Variants in KANSL1L observed in about 807,000 individuals in gnomAD.
KANSL1L encodes the protein KAT8 regulatory NSL complex subunit 1 like.
KANSL1L carries 25 observed loss-of-function variants against 108.6 expected under a neutral mutation model. The ratio of observed to expected loss-of-function variants is 0.23; its 90% CI spans 0.17 to 0.32. The LOEUF (loss-of-function observed/expected upper bound fraction) is 0.32. Ranked by LOEUF, KANSL1L falls within the 10% of genes least tolerant of loss-of-function variation. KANSL1L has a pLI of 1.00. For missense variants in KANSL1L, 1,137 were observed against 1,125.7 expected (o/e 1.01, Z -0.14); for synonymous variants, 405 against 395.1 (o/e 1.03, Z -0.30).
chr2:210,036,839 C>T (rs894009086), intron 8 of KANSL1L, among the ~76,000 whole-genome samples: 1 of 152,156 alleles, frequency 6.6e-6, no homozygotes, highest in Non-Finnish European at 1.5e-5. Context: ...TCACTGCAGC[C>T]TCAACCTCCC....
At chr2:210,170,037 C>T (rs114700261) in intron 1 of KANSL1L, among the ~76,000 whole-genome samples, 4,700 of 152,182 alleles carry the variant, frequency 0.031, 105 homozygotes, top group Non-Finnish European at 0.047. Flanking sequence ...AAAGAAATGG[C>T]TAGTTATTAA....
At chr2:210,059,476 A>T (rs1409460311) in intron 6 of KANSL1L, among the ~76,000 whole-genome samples, 1 of 152,234 alleles carries the variant, frequency 6.6e-6, no homozygotes, top group Non-Finnish European at 1.5e-5. Flanking sequence ...ATCCAGTATG[A>T]AACCACTAAA....
intron 6 of KANSL1L, among the ~76,000 whole-genome samples, chr2:210,046,197 GT>G (rs1314594230): frequency 2.6e-5 from 4 of 152,088 alleles, no homozygotes; most frequent in African/African-American, 9.7e-5. Flanking sequence ...TGGGAATTAG[GT>G]TTCTACATAT....
chr2:210,107,228 T>C (rs890972335), intron 3 of KANSL1L, among the ~76,000 whole-genome samples: 3 of 152,054 alleles, frequency 2.0e-5, no homozygotes, highest in African/African-American at 7.2e-5. Context: ...TAATTTTAAG[T>C]AAAACTTTAA....
At chr2:210,166,998 G>A (rs116181500) in intron 1 of KANSL1L, among the ~76,000 whole-genome samples, 9,072 of 151,910 alleles carry the variant, frequency 0.06, 415 homozygotes, top group Middle Eastern at 0.21. Context: ...TTCAGCCTGG[G>A]TGACAGAGAG....
chr2:210,029,912 C>A lies in KANSL1L; in HGVS notation c.2162G>T (p.Arg721Ile), dbSNP rs1324477039. Residue 721 changes from arginine (R) to isoleucine (I), a missense_variant, in exon 10 of 15, where the codon AGA (arginine) becomes ATA (isoleucine). Around this residue, in one of 3 missense-constraint regions of KANSL1L, gnomAD observed 575 missense variants for 567.1 expected, o/e 1.01. Coordinates refer to ENST00000281772, the MANE Select transcript of KANSL1L (RefSeq NM_152519.4). ...AAAATCAGATTCTTCAAGTTTAGTTCTTTCTCCTGCCATGGAAAGAACCAT... is the reference window on the plus strand; with the variant it reads ...AAAATCAGATTCTTCAAGTTTAGTTATTTCTCCTGCCATGGAAAGAACCAT... Reference protein sequence around the residue: ...RHLSETALGERTKLEESDFQH... With the variant: ...RHLSETALGEITKLEESDFQH... 2.6e-6 allele frequency: 4 copies of A among 1,544,266 alleles called. No individual in the cohort carries two copies. The South Asian group carries it at 3.4e-5, about 13-fold the overall frequency.
At chr2:210,135,111 C>CT (rs975553561) in intron 2 of KANSL1L, among the ~76,000 whole-genome samples, 6 of 152,004 alleles carry the variant, frequency 3.9e-5, no homozygotes, top group African/African-American at 9.7e-5. Flanking sequence ...ATGGCCCATT[C>CT]TTTTTTTTCC....
At chr2:210,165,079 C>A (rs1687854015) in intron 1 of KANSL1L, among the ~76,000 whole-genome samples, 1 of 151,312 alleles carries the variant, frequency 6.6e-6, no homozygotes, top group African/African-American at 2.4e-5. Context: ...GTTGGCCAGG[C>A]TGGTCTCGAA....
chr2:210,056,588 C>T (rs2094353537), intron 6 of KANSL1L, among the ~76,000 whole-genome samples: 1 of 152,142 alleles, frequency 6.6e-6, no homozygotes, highest in East Asian at 1.9e-4. Context: ...TCAAGCAATT[C>T]TTGTGCCTCA....
intron 2 of KANSL1L, among the ~76,000 whole-genome samples, chr2:210,149,389 TA>T (rs1255090294): frequency 6.6e-6 from 1 of 152,150 alleles, no homozygotes; most frequent in Non-Finnish European, 1.5e-5. Context: ...TCTGGACTTA[TA>T]ATTTAAGGTA....
rs76643594 is a variant in KANSL1L, at chr2:210,036,018, T to C, written c.2029+4402A>G. On this transcript the variant is annotated intron_variant, in intron 8 of 14. Transcript: ENST00000281772. ...TTTTAAAGTTTGAGAAGCACTAATC[T>C]GGAACGCTCCACCCTTCTTTCTCTG... Among the ~76,000 whole-genome samples, 903 of 152,290 alleles carry C rather than the reference T, an allele frequency of 5.9e-3. 10 individuals carry two copies. The highest frequency in any genetic ancestry group is 0.021 in the African/African-American group (861 of 41,564).
At chr2:210,067,718 A>AAAAAAAAAAAAAAAT (rs2094476924) in intron 6 of KANSL1L, among the ~76,000 whole-genome samples, 1 of 5,284 alleles carries the variant, frequency 1.9e-4, no homozygotes, top group African/African-American at 3.6e-4. Context: ...CCTGTCTCCA[A>AAAAAAAAAAAAAAAT]AAAAAAAAAA....
intron 2 of KANSL1L, among the ~76,000 whole-genome samples, chr2:210,138,581 C>T (rs761459150): frequency 6.6e-6 from 1 of 152,060 alleles, no homozygotes; most frequent in Non-Finnish European, 1.5e-5. Flanking sequence ...TTGGGACTTA[C>T]GCTTTTTAAA....
At chr2:210,123,566 C>T (rs1010121728) in intron 3 of KANSL1L, among the ~76,000 whole-genome samples, 3 of 149,996 alleles carry the variant, frequency 2.0e-5, no homozygotes, top group African/African-American at 7.4e-5. Flanking sequence ...CTAATGGGTA[C>T]AAAAATATAA....
At chr2:210,060,646 C>A (rs2094409873) in intron 6 of KANSL1L, among the ~76,000 whole-genome samples, 1 of 152,154 alleles carries the variant, frequency 6.6e-6, no homozygotes, top group Non-Finnish European at 1.5e-5. Flanking sequence ...CATTGGTAAA[C>A]AGCTTACCAG....
intron 3 of KANSL1L, among the ~76,000 whole-genome samples, chr2:210,122,108 C>T (rs1397247560): frequency 6.6e-6 from 1 of 151,918 alleles, no homozygotes; most frequent in Non-Finnish European, 1.5e-5. Context: ...TCCATAGTAC[C>T]CAACGAAATC....
At chr2:210,086,570 A>G (rs2094639856) in intron 5 of KANSL1L, among the ~76,000 whole-genome samples, 1 of 152,096 alleles carries the variant, frequency 6.6e-6, no homozygotes, top group Non-Finnish European at 1.5e-5. Flanking sequence ...ATCAATAAAT[A>G]GCAAGTGTGC....
intron 6 of KANSL1L, among the ~76,000 whole-genome samples, chr2:210,071,914 G>A (rs2094510489): frequency 6.6e-6 from 1 of 152,156 alleles, no homozygotes; most frequent in African/African-American, 2.4e-5. Context: ...CAGAAGGGAA[G>A]TTTATTTATT....
chr2:210,097,244 A>AT (rs2094745854), intron 5 of KANSL1L: 1 of 970,662 alleles, frequency 1.0e-6, no homozygotes, highest in African/African-American at 1.8e-5. Context: ...TTCACAAAGA[A>AT]TTTGATGGCT....
Sources: gnomAD v4.1 joint callset for allele counts (sites outside exome capture counted in the v4.1 genomes callset) on GRCh38, gnomAD v4.1.1 for gene constraint, gnomAD v4.1.1 regional missense constraint, MANE v1.5 for transcripts, NCBI Gene and HGNC (gene_info 2026-07-23, HGNC 2026-07-21) for gene names.